Variants in C10orf90 observed in about 807,000 individuals in gnomAD.
The protein encoded by C10orf90 is (E2-independent) E3 ubiquitin-conjugating enzyme FATS.
C10orf90 carries 56 observed loss-of-function variants against 62.5 expected under a neutral mutation model. The ratio of observed to expected loss-of-function variants is 0.90; its 90% CI spans 0.72 to 1.12. C10orf90 has a LOEUF of 1.12. Ranked by LOEUF, C10orf90 falls within the 50% of genes most tolerant of loss-of-function variation. C10orf90 has a pLI of 0.00. For synonymous variants in C10orf90, 386 were observed against 340.4 expected (o/e 1.13, Z -1.47); for missense variants, 970 against 880.4 (o/e 1.10, Z -1.29).
At chr10:126,547,350 C>A (rs533587561) in intron 2 of C10orf90, among the ~76,000 whole-genome samples, 1 of 145,626 alleles carries the variant, frequency 6.9e-6, no homozygotes. Context: ...ACCCGGGAGG[C>A]GGAGCTTGCA....
intron 2 of C10orf90, among the ~76,000 whole-genome samples, chr10:126,582,831 G>A (rs191733913): frequency 6.6e-6 from 1 of 152,242 alleles, no homozygotes; most frequent in African/African-American, 2.4e-5. Flanking sequence ...AAGGTGTGTT[G>A]AACCACTTAC....
intron 4 of C10orf90, chr10:126,470,078 T>C (rs1024480074): frequency 8.8e-6 from 4 of 454,044 alleles, no homozygotes; most frequent in Middle Eastern, 6.5e-4. Context: ...CTTCTGCATG[T>C]TGCATACTGC....
intron 2 of C10orf90, among the ~76,000 whole-genome samples, chr10:126,568,814 C>G (rs1293902669): frequency 6.6e-6 from 1 of 152,166 alleles, no homozygotes; most frequent in Non-Finnish European, 1.5e-5. Flanking sequence ...GAGAGGAGTT[C>G]ACCTGAGAAG....
At chr10:126,644,138 C>G (rs1320751496) in intron 2 of C10orf90, among the ~76,000 whole-genome samples, 1 of 152,236 alleles carries the variant, frequency 6.6e-6, no homozygotes, top group Non-Finnish European at 1.5e-5. Flanking sequence ...GCCCCCGACC[C>G]TTGATGGCTA....
At chr10:126,433,665 G>T (rs941679391) in intron 7 of C10orf90, among the ~76,000 whole-genome samples, 1 of 152,104 alleles carries the variant, frequency 6.6e-6, no homozygotes, top group Non-Finnish European at 1.5e-5. Flanking sequence ...GACCCACAGG[G>T]ATTTCACTTC....
chr10:126,533,681 A>G (rs887814773), intron 2 of C10orf90, among the ~76,000 whole-genome samples: 7 of 152,152 alleles, frequency 4.6e-5, no homozygotes, highest in African/African-American at 1.7e-4. Context: ...TCAGACAGTA[A>G]AGGACCCAAG....
intron 8 of C10orf90, 111 bp downstream of exon 8, chr10:126,429,676 G>T (rs1473567879): frequency 1.2e-6 from 1 of 826,712 alleles, no homozygotes; most frequent in South Asian, 1.6e-5. Context: ...AAAGACCTCA[G>T]ACCTTAAACA....
At chr10:126,446,652 A>G (rs1403604044) in intron 7 of C10orf90, among the ~76,000 whole-genome samples, 1 of 152,214 alleles carries the variant, frequency 6.6e-6, no homozygotes. Flanking sequence ...CACTAAAGCA[A>G]AAGGATACTA....
At chr10:126,445,807 A>G (rs905028184) in intron 7 of C10orf90, among the ~76,000 whole-genome samples, 28 of 107,608 alleles carry the variant, frequency 2.6e-4, no homozygotes, top group African/African-American at 5.2e-4. Context: ...ACTGTGGTGT[A>G]TATATATATA....
At position 126,504,337 on chromosome 10, in the gene C10orf90, G is replaced by C; in HGVS notation, c.1154C>G (p.Ser385Cys). 1 of 1,614,204 alleles carries C rather than the reference G, an allele frequency of 6.2e-7. No individual in the cohort carries two copies. Reference protein sequence around the residue: ...PQIASPKMHRSVLSLNLNCSS... With the variant: ...PQIASPKMHRCVLSLNLNCSS... Reference sequence around the variant, plus strand: ...ACAATTGAGGTTGAGCGACAGGACGGATCTGTGCATTTTGGGGCTGGCAAT... The same window carrying C: ...ACAATTGAGGTTGAGCGACAGGACGCATCTGTGCATTTTGGGGCTGGCAAT... Residue 385 changes from serine (S) to cysteine (C), a missense_variant, in exon 4 of 10, where the codon TCC becomes TGC. By Grantham distance (112) the Ser-to-Cys change is moderately radical (BLOSUM62 -1). Coordinates refer to ENST00000488181, the MANE Select transcript of C10orf90 (RefSeq NM_001350921.2). This position sits in a 1 kb window ranked among gnomAD's most constrained non-coding sequence, Gnocchi z 4.1.
chr10:126,489,989 AATATATATTATATATT>A lies in C10orf90; in HGVS notation c.1534+13952_1534+13967del, dbSNP rs1376856916. On this transcript the variant is annotated intron_variant, in intron 4 of 9. Transcript: ENST00000488181. ...GTATATATACATATAATATATATAT[AATATATATTATATATT>A]ATATATATTATATATAATATATAAT... is the stretch of plus-strand genomic sequence containing the variant. 4.2e-4 allele frequency among the ~76,000 whole-genome samples: 46 copies of A among 110,412 alleles called. No individual in the cohort carries two copies. The East Asian group carries it at 7.3e-3, about 17-fold the overall frequency. The allele number at this position is 110,412 out of a possible 152,430, so 72.4% of individuals were successfully genotyped here. A position where few individuals can be genotyped will look rare whatever the true frequency, so the allele number is the denominator to read the frequency against.
chr10:126,567,139 G>A (rs561111295), intron 2 of C10orf90, among the ~76,000 whole-genome samples: 13 of 152,244 alleles, frequency 8.5e-5, no homozygotes, highest in African/African-American at 2.6e-4. Flanking sequence ...GTCTGTTCTC[G>A]CATTGCTATA....
intron 3 of C10orf90, among the ~76,000 whole-genome samples, chr10:126,507,381 A>G (rs1329275559): frequency 2.0e-5 from 3 of 149,282 alleles, no homozygotes; most frequent in Non-Finnish European, 4.4e-5. Context: ...AAAAAAATAC[A>G]TGGGGAATTG....
intron 4 of C10orf90, among the ~76,000 whole-genome samples, chr10:126,494,036 A>G (rs905798632): frequency 1.3e-5 from 2 of 152,212 alleles, no homozygotes; most frequent in African/African-American, 4.8e-5. Flanking sequence ...TACATGCACA[A>G]GGATATTTAT....
chr10:126,650,543 AC>A lies in C10orf90; in HGVS notation c.241-3907del, dbSNP rs534004376. 5.9e-5 allele frequency among the ~76,000 whole-genome samples: 9 copies of A among 151,978 alleles called. No homozygotes were observed. In the South Asian group the frequency reaches 6.2e-4, roughly 11 times the overall value. ...GGGTAAGTAACTTGCCCAAAGTCAC[AC>A]CCCCCTAGTAATTTAGTAAAGGACC... On this transcript the variant is annotated intron_variant, in intron 1 of 9. Coordinates refer to ENST00000488181, the MANE Select transcript of C10orf90 (RefSeq NM_001350921.2).
intron 4 of C10orf90, among the ~76,000 whole-genome samples, chr10:126,482,241 C>T (rs958328927): frequency 2.6e-5 from 4 of 152,316 alleles, no homozygotes; most frequent in Non-Finnish European, 5.9e-5. Context: ...AGTCCTGACT[C>T]TTATGAGGGG....
At chr10:126,441,423 G>A (rs1483340913) in intron 7 of C10orf90, among the ~76,000 whole-genome samples, 6 of 152,098 alleles carry the variant, frequency 3.9e-5, no homozygotes, top group African/African-American at 1.2e-4. Flanking sequence ...CAGCATTTCT[G>A]AGGAAGAAGA....
chr10:126,634,401 G>A (rs1180649415), intron 2 of C10orf90, among the ~76,000 whole-genome samples: 2 of 152,302 alleles, frequency 1.3e-5, no homozygotes, highest in Non-Finnish European at 1.5e-5. Flanking sequence ...CCACTGATAT[G>A]AGGTATCTAA....
chr10:126,551,288 G>C (rs1182649094), intron 2 of C10orf90, among the ~76,000 whole-genome samples: 1 of 152,334 alleles, frequency 6.6e-6, no homozygotes, highest in East Asian at 1.9e-4. Context: ...GCTGGTAACT[G>C]TTTCTACCAC....
Sources: gnomAD v4.1 joint callset for allele counts (sites outside exome capture counted in the v4.1 genomes callset) on GRCh38, gnomAD v4.1.1 for gene constraint, Gnocchi (gnomAD v3.1) non-coding constraint, MANE v1.5 for transcripts, NCBI Gene and HGNC (gene_info 2026-07-23, HGNC 2026-07-21) for gene names.